PBX1: variants seen among roughly 807,000 people sequenced by gnomAD.
PBX1 encodes the protein pre-B-cell leukemia transcription factor 1.
In PBX1, 6 loss-of-function variants were observed where a neutral mutation model predicts 53.4. The observed-to-expected ratio is 0.11, with a 90% CI of 0.06 to 0.22. The LOEUF is 0.22. Ranked by LOEUF, PBX1 falls within the 10% of genes least tolerant of loss-of-function variation. The probability of loss-of-function intolerance (pLI) is 1.00; values close to 1 mark genes in which losing one functional copy is unlikely to be tolerated. For synonymous variants in PBX1, 204 were observed against 212.3 expected (o/e 0.96, Z 0.34); for missense variants, 251 against 551.4 (o/e 0.46, Z 5.46).
chr1:164,851,794 A>G lies in PBX1; in HGVS notation c.*5118A>G. On this transcript the variant is annotated 3_prime_UTR_variant, in exon 9 of 9. Coordinates refer to ENST00000420696, the MANE Select transcript of PBX1 (RefSeq NM_002585.4). ...CTCCTAATTTGTACTGGTAATGCAT[A>G]TTCCAAATAAATAGTTTCTTTTGTT... 1 of 175,752 alleles carries G rather than the reference A, an allele frequency of 5.7e-6. No individual in the cohort carries two copies. Among genetic ancestry groups the G allele is most frequent in the Non-Finnish European group, 1.2e-5 (1 of 81,476 alleles). The allele number at this position is 175,752 out of a possible 1,614,324, so 10.9% of individuals were successfully genotyped here. A position where few individuals can be genotyped will look rare whatever the true frequency, so the allele number is the denominator to read the frequency against.
At chr1:164,773,461 C>A (rs1667487255) in intron 2 of PBX1, among the ~76,000 whole-genome samples, 1 of 152,156 alleles carries the variant, frequency 6.6e-6, no homozygotes, top group Non-Finnish European at 1.5e-5. Flanking sequence ...TAGGTTTATG[C>A]ACTTATCAGT....
intron 8 of PBX1, among the ~76,000 whole-genome samples, chr1:164,837,493 A>G (rs1671098508): frequency 6.6e-6 from 1 of 152,218 alleles, no homozygotes; most frequent in African/African-American, 2.4e-5. Context: ...TTCGAAATGT[A>G]TATCAGCTCT....
At chr1:164,795,527 C>G (rs1283377875) in intron 3 of PBX1, among the ~76,000 whole-genome samples, 2 of 152,184 alleles carry the variant, frequency 1.3e-5, no homozygotes, top group African/African-American at 4.8e-5. Context: ...AGTTGTACTA[C>G]TCATCTGTAT....
chr1:164,763,650 T>G (rs1020349118), intron 2 of PBX1, among the ~76,000 whole-genome samples: 3 of 152,178 alleles, frequency 2.0e-5, no homozygotes, highest in Admixed American at 6.5e-5. Context: ...GGAACATAGG[T>G]GTCATGTTAT....
At chr1:164,753,994 G>A (rs1051408213) in intron 2 of PBX1, among the ~76,000 whole-genome samples, 1 of 152,146 alleles carries the variant, frequency 6.6e-6, no homozygotes, top group Non-Finnish European at 1.5e-5. Flanking sequence ...TTGTCATTTA[G>A]TATGTATCGA....
chr1:164,673,811 C>T (rs1297396046), intron 2 of PBX1, among the ~76,000 whole-genome samples: 1 of 152,140 alleles, frequency 6.6e-6, no homozygotes, highest in Admixed American at 6.5e-5. Context: ...ACATGCTACC[C>T]CCAGCCACTA....
At chr1:164,609,605 C>T (rs898970630) in intron 2 of PBX1, among the ~76,000 whole-genome samples, 4 of 152,116 alleles carry the variant, frequency 2.6e-5, no homozygotes, top group East Asian at 1.9e-4. Flanking sequence ...CTGAGATTCT[C>T]GGCTTCTTCT....
At chr1:164,773,883 G>T (rs149629093) in intron 2 of PBX1, among the ~76,000 whole-genome samples, 1 of 152,200 alleles carries the variant, frequency 6.6e-6, no homozygotes, top group African/African-American at 2.4e-5. Flanking sequence ...TAACGCAGTG[G>T]ATCTGCCTCA....
chr1:164,754,404 G>T (rs977719154), intron 2 of PBX1, among the ~76,000 whole-genome samples: 3 of 152,146 alleles, frequency 2.0e-5, no homozygotes, highest in African/African-American at 7.2e-5. Flanking sequence ...ATCACAACTC[G>T]CTTGTCTTAC....
chr1:164,832,961 A>G (rs1362798257), intron 8 of PBX1, among the ~76,000 whole-genome samples: 1 of 152,192 alleles, frequency 6.6e-6, no homozygotes, highest in Non-Finnish European at 1.5e-5. Flanking sequence ...AAGGCAGTAA[A>G]TTAAAGAACA....
intron 6 of PBX1, chr1:164,816,987 A>G (rs1156581971): frequency 1.3e-5 from 2 of 152,202 alleles, no homozygotes; most frequent in Admixed American, 1.3e-4. Context: ...AAGCAAATGC[A>G]TTATAATCAT....
intron 2 of PBX1, among the ~76,000 whole-genome samples, chr1:164,649,930 A>G (rs1191495855): frequency 1.3e-5 from 2 of 152,086 alleles, no homozygotes; most frequent in Non-Finnish European, 2.9e-5. Context: ...TGAGAAGTCC[A>G]TGGCCAAAAA....
intron 2 of PBX1, among the ~76,000 whole-genome samples, chr1:164,768,557 C>T (rs193112363): frequency 9.0e-4 from 137 of 152,348 alleles, no homozygotes; most frequent in Non-Finnish European, 1.6e-3. Context: ...TAGATTGCAA[C>T]GGCTTTCCAT....
chr1:164,877,057 CATTTA>C (rs1288951324), intron 2 of PBX1, among the ~76,000 whole-genome samples: 3 of 152,012 alleles, frequency 2.0e-5, no homozygotes, highest in Non-Finnish European at 4.4e-5. Context: ...TACATTATCT[CATTTA>C]ATTCTGTGAC....
intron 2 of PBX1, among the ~76,000 whole-genome samples, chr1:164,879,327 G>A (rs748789085): frequency 7.2e-5 from 11 of 152,182 alleles, no homozygotes; most frequent in Non-Finnish European, 1.2e-4. Flanking sequence ...TTTCAGTGGT[G>A]AGAAAGGCCT....
intron 2 of PBX1, among the ~76,000 whole-genome samples, chr1:164,885,633 C>T (rs561301394): frequency 2.0e-5 from 3 of 152,294 alleles, no homozygotes; most frequent in South Asian, 4.1e-4. Flanking sequence ...AAGCAATGGG[C>T]TCTTGGGCAA....
intron 2 of PBX1, among the ~76,000 whole-genome samples, chr1:164,615,647 G>A (rs116310409): frequency 9.2e-5 from 14 of 152,280 alleles, no homozygotes; most frequent in Middle Eastern, 3.4e-3. Context: ...AGGTGGTGAT[G>A]TGAAACAATC....
chr1:164,766,966 G>T (rs1667090166), intron 2 of PBX1, among the ~76,000 whole-genome samples: 1 of 151,822 alleles, frequency 6.6e-6, no homozygotes, highest in South Asian at 2.1e-4. Flanking sequence ...CCGACCTCGT[G>T]ATCCGCCCGC....
At chr1:164,609,326 G>A (rs1263576323) in intron 2 of PBX1, among the ~76,000 whole-genome samples, 1 of 152,066 alleles carries the variant, frequency 6.6e-6, no homozygotes, top group Non-Finnish European at 1.5e-5. Context: ...GCTGTTCCCT[G>A]TAACCCACCC....
Sources: gnomAD v4.1 joint callset for allele counts (sites outside exome capture counted in the v4.1 genomes callset) on GRCh38, gnomAD v4.1.1 for gene constraint, MANE v1.5 for transcripts, NCBI Gene and HGNC (gene_info 2026-07-23, HGNC 2026-07-21) for gene names.